TMEM168: variants seen among roughly 807,000 people sequenced by gnomAD.
The protein encoded by TMEM168 is transmembrane protein 168.
Under a neutral mutation model 53.2 loss-of-function variants are expected in TMEM168, and 40 were observed. The ratio of observed to expected loss-of-function variants is 0.75; its 90% CI spans 0.58 to 0.98. The LOEUF (loss-of-function observed/expected upper bound fraction) is 0.98, where lower values mean the gene tolerates loss of function less well. Among genes scored for constraint, TMEM168 ranks in the 50% least tolerant of loss-of-function variants. The probability of loss-of-function intolerance (pLI) is 0.00; values close to 1 mark genes in which losing one functional copy is unlikely to be tolerated. For synonymous variants in TMEM168, 282 were observed against 293.0 expected, an observed-to-expected ratio of 0.96 and a Z score of 0.38; for missense variants, 771 against 828.8, an observed-to-expected ratio of 0.93 and a Z score of 0.86.
Position 112,766,059 on chromosome 7 carries a change from GA to G in TMEM168, c.*1137del, listed in dbSNP as rs1458813580. On this transcript the variant is annotated 3_prime_UTR_variant, in exon 5 of 5. Coordinates refer to ENST00000312814, the MANE Select transcript of TMEM168 (RefSeq NM_022484.6). ...AAAATTTAGAATGTAATAATTATTGGAAAGGAATAAGAAGTGAATTACCTCT... is the reference window on the plus strand; with the variant it reads ...AAAATTTAGAATGTAATAATTATTGGAAGGAATAAGAAGTGAATTACCTCT... The G allele has an allele frequency of 6.6e-6, 1 of 152,500 alleles. No homozygotes were observed. Among genetic ancestry groups the G allele is most frequent in the Non-Finnish European group, 1.5e-5 (1 of 67,976 alleles). 9.4% of individuals were successfully genotyped at this position (152,500 alleles called of 1,614,324 possible). A position where few individuals can be genotyped will look rare whatever the true frequency, so the allele number is the denominator to read the frequency against.
intron 4 of TMEM168, among the ~76,000 whole-genome samples, chr7:112,768,542 AT>A (rs1349412407): frequency 6.6e-6 from 1 of 152,200 alleles, no homozygotes; most frequent in African/African-American, 2.4e-5. Flanking sequence ...GATTAAAAAA[AT>A]ATATATACCC....
chr7:112,771,028 G>A (rs1388142208), intron 4 of TMEM168, among the ~76,000 whole-genome samples: 1 of 152,028 alleles, frequency 6.6e-6, no homozygotes, highest in Non-Finnish European at 1.5e-5. Flanking sequence ...GCTCTGAGTT[G>A]GAATACACAG....
rs374434489 is a variant in TMEM168, at chr7:112,784,594, C to A, written c.232G>T (p.Ala78Ser). The change falls in exon 2 of 5, where the codon GCC becomes TCC. Residue 78 changes from alanine to serine, a missense_variant. By Grantham distance (99) the Ala-to-Ser change is moderately conservative. Coordinates refer to ENST00000312814, the MANE Select transcript of TMEM168 (RefSeq NM_022484.6). The stretch of plus-strand genomic sequence containing the variant: ...GAAAAATAGTAATAGAGTATGCTGG[C>A]GATTCCAAGAACAAAAAGACCAAGA... Reference protein sequence around the residue: ...FILGLFVLGIASILYYYFSME... With the variant: ...FILGLFVLGISSILYYYFSME... The A allele has an allele frequency of 6.2e-7, 1 of 1,611,958 alleles. No individual in the cohort carries two copies. Among genetic ancestry groups the A allele is most frequent in the Non-Finnish European group, 8.5e-7 (1 of 1,179,492 alleles).
intron 3 of TMEM168, 37 bp from the exon 4 acceptor site, chr7:112,773,092 T>C (rs760159798): frequency 1.0e-5 from 16 of 1,542,198 alleles, no homozygotes; most frequent in Non-Finnish European, 1.2e-5. Context: ...ACTCATTCTA[T>C]ATCACATTCT....
intron 4 of TMEM168, among the ~76,000 whole-genome samples, chr7:112,768,654 T>C (rs1792851045): frequency 6.6e-6 from 1 of 152,186 alleles, no homozygotes; most frequent in Non-Finnish European, 1.5e-5. Flanking sequence ...AAAATATTCA[T>C]TTTGATTATT....
rs1792699148 is a variant in TMEM168 at position 112,763,109 on chromosome 7, C to CA, written c.*4087dup. 1 of 151,950 alleles carries CA rather than the reference C, an allele frequency of 6.6e-6. No homozygotes were observed. The highest frequency in any genetic ancestry group is 1.5e-5 in the Non-Finnish European group (1 of 67,916). The allele number at this position is 151,950 out of a possible 1,614,324, so 9.4% of individuals were successfully genotyped here. A position where few individuals can be genotyped will look rare whatever the true frequency, so the allele number is the denominator to read the frequency against. On this transcript the variant is annotated 3_prime_UTR_variant, in exon 5 of 5. Coordinates refer to ENST00000312814, the MANE Select transcript of TMEM168 (RefSeq NM_022484.6). ...GATTCAATCTTAATGATATTAGAGT[C>CA]ATGATGGAAATGGACTCAACTCACA...
At chr7:112,786,899 A>G (rs546645193) in intron 1 of TMEM168, among the ~76,000 whole-genome samples, 1 of 152,158 alleles carries the variant, frequency 6.6e-6, no homozygotes, top group Non-Finnish European at 1.5e-5. Flanking sequence ...CCTCCTAGAG[A>G]GTCATCAAAA....
In TMEM168 at chr7:112,775,987, T is replaced by C. The variant is rs1477937330; in HGVS notation, c.1129-669A>G. Among the ~76,000 whole-genome samples, 12 of 146,550 alleles carry C rather than the reference T, an allele frequency of 8.2e-5. No individual in the cohort carries two copies. In the East Asian group the frequency reaches 1.3e-3, roughly 15 times the overall value. ...TAAGCAGGAGGCAATCAGGTATTAA[T>C]TGCAATGAAAAAGCAGAAAAAATAC... On this transcript the variant is annotated intron_variant, in intron 2 of 4. Transcript: ENST00000312814.
Position 112,783,938 on chromosome 7 carries a change from A to G in TMEM168, c.888T>C (p.Pro296=). Residue 296 remains proline (P), a synonymous_variant, in exon 2 of 5, where the codon CCT becomes CCC. Coordinates refer to ENST00000312814, the MANE Select transcript of TMEM168 (RefSeq NM_022484.6). Reference sequence around the variant, plus strand: ...AGAAAATTCCAAAAATGGAAAAGCCAGGTATTACAAAATACCAGAGGTGAG... The same window carrying G: ...AGAAAATTCCAAAAATGGAAAAGCCGGGTATTACAAAATACCAGAGGTGAG... ...RDTHLWYFVI[P]GFSIFGIFWM... is the part of the protein sequence containing the mutation. 6.2e-7 allele frequency: 1 copy of G among 1,605,670 alleles called. No homozygotes were observed. Among genetic ancestry groups the G allele is most frequent in the Non-Finnish European group, 8.5e-7 (1 of 1,178,016 alleles).
chr7:112,782,834 C>A (rs1793267463), intron 2 of TMEM168, among the ~76,000 whole-genome samples: 1 of 152,228 alleles, frequency 6.6e-6, no homozygotes, highest in Admixed American at 6.5e-5. Context: ...GCAGAGCTGA[C>A]TTTCCTTTAT....
intron 4 of TMEM168, among the ~76,000 whole-genome samples, chr7:112,771,899 T>C (rs1328905156): frequency 2.0e-5 from 3 of 152,060 alleles, no homozygotes; most frequent in Non-Finnish European, 4.4e-5. Flanking sequence ...CTATTTCTAA[T>C]CTAAAATAAG....
intron 2 of TMEM168, among the ~76,000 whole-genome samples, chr7:112,777,410 C>T (rs1366262456): frequency 6.6e-6 from 1 of 152,080 alleles, no homozygotes; most frequent in Non-Finnish European, 1.5e-5. Context: ...ATTCATGGAC[C>T]TGTTTTTGGT....
intron 1 of TMEM168, among the ~76,000 whole-genome samples, 170 bp downstream of exon 1, chr7:112,789,990 C>T (rs1378625454): frequency 6.6e-6 from 1 of 152,200 alleles, no homozygotes; most frequent in African/African-American, 2.4e-5. Flanking sequence ...CGGAGAGGCG[C>T]TCCCACACCC....
At chr7:112,773,791 T>C (rs892523356) in intron 3 of TMEM168, among the ~76,000 whole-genome samples, 1 of 152,150 alleles carries the variant, frequency 6.6e-6, no homozygotes, top group Non-Finnish European at 1.5e-5. Context: ...TTGAAAACGT[T>C]AGATTTTGCT....
intron 2 of TMEM168, 114 bp downstream of exon 2, chr7:112,783,584 A>C: frequency 9.1e-7 from 1 of 1,093,196 alleles, no homozygotes; most frequent in African/African-American, 1.6e-5. Context: ...AATTAAGAGC[A>C]AACATGAATA....
In TMEM168 at chr7:112,767,334, A is replaced by C. The variant is rs1335799528; in HGVS notation, c.1957T>G (p.Leu653Val). Residue 653 changes from leucine (L) to valine (V), a missense_variant, in exon 5 of 5, where the codon TTG becomes GTG. Physicochemically the swap from Leu to Val is conservative, Grantham distance 32. Coordinates refer to ENST00000312814, the MANE Select transcript of TMEM168 (RefSeq NM_022484.6). Reference protein sequence around the residue: ...FPRITYPLVHLANWLCGLNLF... With the variant: ...FPRITYPLVHVANWLCGLNLF... ...TTCAGACCGCATAACCAATTTGCCAAATGCACTAGGGGATATGTAATACGA... is the reference window on the plus strand; with the variant it reads ...TTCAGACCGCATAACCAATTTGCCACATGCACTAGGGGATATGTAATACGA... 2 of 1,614,046 alleles carry C rather than the reference A, an allele frequency of 1.2e-6. No individual in the cohort carries two copies. The highest frequency in any genetic ancestry group is 2.7e-5 in the African/African-American group (2 of 74,938).
rs1792707824 is a variant in TMEM168, at chr7:112,763,717, A to G, written c.*3480T>C. The G allele has an allele frequency of 6.6e-6, 1 of 152,212 alleles. No homozygotes were observed. The highest frequency in any genetic ancestry group is 1.5e-5 in the Non-Finnish European group (1 of 68,012). 9.4% of individuals were successfully genotyped at this position (152,212 alleles called of 1,614,324 possible). A position where few individuals can be genotyped will look rare whatever the true frequency, so the allele number is the denominator to read the frequency against. On this transcript the variant is annotated 3_prime_UTR_variant, in exon 5 of 5. Transcript: ENST00000312814. Reference sequence around the variant, plus strand: ...CTATAAATTTGAATACATATAAAAAAGCAGTACCCAAGAGTAAATATGTTT... The same window carrying G: ...CTATAAATTTGAATACATATAAAAAGGCAGTACCCAAGAGTAAATATGTTT...
intron 4 of TMEM168, among the ~76,000 whole-genome samples, chr7:112,769,144 C>G (rs1250117502): frequency 6.6e-6 from 1 of 152,158 alleles, no homozygotes; most frequent in Non-Finnish European, 1.5e-5. Context: ...AGAGAGAATC[C>G]TTTAGAATTG....
chr7:112,767,140 A>AAGTT lies in TMEM168; in HGVS notation c.*53_*56dup. 1 of 1,502,172 alleles carries AAGTT rather than the reference A, an allele frequency of 6.7e-7. No individual in the cohort carries two copies. Among genetic ancestry groups the AAGTT allele is most frequent in the African/African-American group, 1.4e-5 (1 of 71,390 alleles). The allele number at this position is 1,502,172 out of a possible 1,614,324, so 93.1% of individuals were successfully genotyped here. ...AAAAATACAGCATACAAAAAATGGC[A>AAGTT]AGTTAGTGATAATTGGTAGTATGAG... On this transcript the variant is annotated 3_prime_UTR_variant, in exon 5 of 5. Coordinates refer to ENST00000312814, the MANE Select transcript of TMEM168 (RefSeq NM_022484.6).
Sources: gnomAD v4.1 joint callset for allele counts (sites outside exome capture counted in the v4.1 genomes callset) on GRCh38, gnomAD v4.1.1 for gene constraint, MANE v1.5 for transcripts, NCBI Gene and HGNC (gene_info 2026-07-23, HGNC 2026-07-21) for gene names.